DYSF: variants seen among roughly 807,000 people sequenced by gnomAD.
The protein encoded by DYSF is dystrophy-associated fer-1-like 1.
A neutral mutation model predicts 274.9 loss-of-function variants in DYSF; 212 were observed. That is an observed-to-expected ratio of 0.77 (90% confidence interval 0.69 to 0.86). The LOEUF is 0.86. Ranked by LOEUF, DYSF falls within the 40% of genes least tolerant of loss-of-function variation. DYSF has a pLI of 0.00. For missense variants in DYSF, 2,666 were observed against 2,783.2 expected, an observed-to-expected ratio of 0.96 and a Z score of 0.95; for synonymous variants, 1,091 against 1,078.7, an observed-to-expected ratio of 1.01 and a Z score of -0.22.
At chr2:71,571,400 C>G (rs2092433059) in intron 29 of DYSF, among the ~76,000 whole-genome samples, 1 of 141,938 alleles carries the variant, frequency 7.0e-6, no homozygotes, top group African/African-American at 2.8e-5. Flanking sequence ...ACACACAGAT[C>G]ACACCCAGCA....
At chr2:71,507,160 G>A (rs996196258) in intron 4 of DYSF, among the ~76,000 whole-genome samples, 2 of 152,102 alleles carry the variant, frequency 1.3e-5, no homozygotes, top group East Asian at 1.9e-4. Context: ...ACACTCCGGC[G>A]GCTCCACCTC....
chr2:71,455,468 G>A (rs765962184), intron 1 of DYSF, among the ~76,000 whole-genome samples: 1 of 152,128 alleles, frequency 6.6e-6, no homozygotes. Context: ...AGTTTCCCAC[G>A]TGGCCTCCGG....
intron 52 of DYSF, among the ~76,000 whole-genome samples, chr2:71,674,919 A>G (rs542656066): frequency 7.5e-4 from 115 of 152,326 alleles, no homozygotes; most frequent in African/African-American, 2.7e-3. Context: ...TGTCATGGCT[A>G]TAAAGGTTAA....
chr2:71,477,734 G>A (rs940305116), intron 1 of DYSF, among the ~76,000 whole-genome samples: 1 of 152,240 alleles, frequency 6.6e-6, no homozygotes. Context: ...ATGTAGCAGA[G>A]TACAAAATGT....
chr2:71,668,530 C>T (rs780670633), intron 48 of DYSF, among the ~76,000 whole-genome samples: 44 of 152,204 alleles, frequency 2.9e-4, no homozygotes, highest in Admixed American at 1.3e-3. Context: ...CTGAGAAGCC[C>T]ACCCTGACCC....
In DYSF at chr2:71,644,056, C is replaced by A. The variant is rs200809348; in HGVS notation, c.4619C>A (p.Thr1540Asn). ...TCCTACCTGGAGAAGGATTTTGACA[C>A]CCTGAAGGTAAGGCCTCTCTTCAGT... is the stretch of plus-strand genomic sequence containing the variant. ...CGSYLEKDFD[T>N]LKVYDTQLEN... The change falls in exon 42 of 56, where the codon ACC (threonine) becomes AAC (asparagine). Residue 1540 changes from threonine to asparagine, a missense_variant. Thr to Asn is a moderately conservative substitution (Grantham distance 65). Transcript: ENST00000410020. 7 of 1,610,020 alleles carry A rather than the reference C, an allele frequency of 4.3e-6. No homozygotes were observed. In the African/African-American group the frequency reaches 6.7e-5, roughly 15 times the overall value.
chr2:71,599,791 G>A (rs2093501187), intron 33 of DYSF, among the ~76,000 whole-genome samples: 4 of 152,218 alleles, frequency 2.6e-5, no homozygotes, highest in Admixed American at 2.6e-4. Flanking sequence ...GGTTCCCTGG[G>A]TGGGTGTGGT....
At chr2:71,552,938 G>A (rs942155712) in intron 19 of DYSF, 73 bp from the exon 20 acceptor site, 32 of 1,535,094 alleles carry the variant, frequency 2.1e-5, no homozygotes, top group Admixed American at 8.8e-5. Context: ...CCTGCCAGAC[G>A]TATGTCCCCT....
At chr2:71,667,640 A>G in intron 48 of DYSF, 125 bp downstream of exon 48, 1 of 1,434,882 alleles carries the variant, frequency 7.0e-7, no homozygotes, top group Non-Finnish European at 9.5e-7. Flanking sequence ...TCCTTGACCC[A>G]TTTCTTCACA....
chr2:71,591,358 G>A (rs1226646893), intron 32 of DYSF, among the ~76,000 whole-genome samples: 1 of 152,150 alleles, frequency 6.6e-6, no homozygotes, highest in Non-Finnish European at 1.5e-5. Context: ...CAGATCAACA[G>A]TGGTCTATCT....
intron 36 of DYSF, among the ~76,000 whole-genome samples, chr2:71,607,269 C>A (rs958487354): frequency 6.6e-5 from 10 of 152,138 alleles, no homozygotes; most frequent in African/African-American, 2.4e-4. Flanking sequence ...AGCCTCAAAG[C>A]TAAAAGAGCA....
intron 12 of DYSF, among the ~76,000 whole-genome samples, chr2:71,522,031 C>T (rs2087336403): frequency 6.6e-6 from 1 of 151,848 alleles, no homozygotes. Flanking sequence ...CTGCATTATC[C>T]CACCACCTCC....
In DYSF at chr2:71,612,777, C is replaced by T. The variant is rs754979997; in HGVS notation, c.4358C>T (p.Ala1453Val). 32 of 1,613,722 alleles carry T rather than the reference C, an allele frequency of 2.0e-5. No homozygotes were observed. The highest frequency in any genetic ancestry group is 8.0e-5 in the African/African-American group (6 of 74,920). ...LESFLCDPYS[A>V]ESPSPQGGPD... is the part of the protein sequence containing the mutation. ...AGCTTCCTGTGTGACCCCTACTCGG[C>T]GGAGAGTCCATCCCCACAGGGTGGC... is the stretch of plus-strand genomic sequence containing the variant. The change falls in exon 39 of 56, where the codon GCG becomes GTG. Residue 1453 changes from alanine to valine, a missense_variant. Ala to Val is a moderately conservative substitution (Grantham distance 64, BLOSUM62 0). Coordinates refer to ENST00000410020, the MANE Select transcript of DYSF (RefSeq NM_001130987.2).
chr2:71,653,747 A>G (rs2094712864), intron 42 of DYSF, among the ~76,000 whole-genome samples: 1 of 152,082 alleles, frequency 6.6e-6, no homozygotes, highest in Non-Finnish European at 1.5e-5. Context: ...CCAACATGGC[A>G]CATGTATACA....
chr2:71,507,131 G>A (rs1295915042), intron 4 of DYSF, among the ~76,000 whole-genome samples: 1 of 152,126 alleles, frequency 6.6e-6, no homozygotes, highest in African/African-American at 2.4e-5. Flanking sequence ...GCTGGCACTG[G>A]GCACGGTGTG....
intron 1 of DYSF, among the ~76,000 whole-genome samples, chr2:71,468,337 C>T (rs917282997): frequency 2.0e-5 from 3 of 152,208 alleles, no homozygotes; most frequent in Non-Finnish European, 4.4e-5. Context: ...CTGTAACAGT[C>T]CTGTGGTGGC....
At chr2:71,635,737 A>C (rs1467771800) in intron 41 of DYSF, among the ~76,000 whole-genome samples, 1 of 129,268 alleles carries the variant, frequency 7.7e-6, no homozygotes, top group East Asian at 2.2e-4. Flanking sequence ...CGACAGAGCA[A>C]GACTCTGTCT....
At position 71,481,905 on chromosome 2, in the gene DYSF, C is replaced by CCCCCTG. The variant is rs776276105; in HGVS notation, c.175_180dup (p.Pro59_Leu60dup). 6.2e-7 allele frequency: 1 copy of CCCCCTG among 1,613,954 alleles called. No homozygotes were observed. ...GATTTGAATGGGACCTCAAGGGCAT[C>CCCCCTG]CCCCTGGACCAGGGCTCTGAGCTTC... On this transcript the variant is annotated inframe_insertion, in exon 3 of 56. Coordinates refer to ENST00000410020, the MANE Select transcript of DYSF (RefSeq NM_001130987.2).
intron 33 of DYSF, among the ~76,000 whole-genome samples, chr2:71,599,441 C>T (rs1360964362): frequency 6.6e-6 from 1 of 152,176 alleles, no homozygotes; most frequent in Non-Finnish European, 1.5e-5. Context: ...CTGTATTGGA[C>T]AGAGCAGCTC....
Sources: allele counts gnomAD v4.1 joint callset (sites outside exome capture counted in the v4.1 genomes callset), GRCh38; gene constraint gnomAD v4.1.1; transcripts MANE v1.5; gene names NCBI Gene and HGNC (gene_info 2026-07-23, HGNC 2026-07-21).